PIEZO2: variants seen among roughly 807,000 people sequenced by gnomAD.
The protein encoded by PIEZO2 is piezo-type mechanosensitive ion channel component 2.
A neutral mutation model predicts 337.3 loss-of-function variants in PIEZO2; 172 were observed. The ratio of observed to expected loss-of-function variants is 0.51; its 90% CI spans 0.45 to 0.58. The LOEUF is 0.58. Among genes scored for constraint, PIEZO2 ranks in the 20% least tolerant of loss-of-function variants. The pLI is 0.00. For missense variants in PIEZO2, 3,028 were observed against 3,391.3 expected (o/e 0.89, Z 2.66); for synonymous variants, 1,251 against 1,228.5 (o/e 1.02, Z -0.38).
At position 10,726,661 on chromosome 18, in the gene PIEZO2, G is replaced by A; in HGVS notation, c.5029+4746C>T. ...CGCGCGCGCCAAGCGCGGCCAGACA[G>A]ACACCTCGCTGCCAAGTTAATTCAG... On this transcript the variant is annotated intron_variant, in intron 36 of 55. Coordinates refer to ENST00000674853, the MANE Select transcript of PIEZO2 (RefSeq NM_001378183.1). The surrounding 1 kb of genome is among the most constrained non-coding windows in gnomAD (Gnocchi z 5.9). The A allele has an allele frequency of 1.4e-6, 2 of 1,425,920 alleles. No homozygotes were observed. The highest frequency in any genetic ancestry group is 1.9e-6 in the Non-Finnish European group (2 of 1,043,742). 88.3% of individuals were successfully genotyped at this position (1,425,920 alleles called of 1,614,324 possible). A position where few individuals can be genotyped will look rare whatever the true frequency, so the allele number is the denominator to read the frequency against.
chr18:10,724,662 C>A lies in PIEZO2; in HGVS notation c.5030-6403G>T. 1.2e-6 allele frequency: 1 copy of A among 861,162 alleles called. No individual in the cohort carries two copies. 53.3% of individuals were successfully genotyped at this position (861,162 alleles called of 1,614,324 possible). ...CTCAGGCGTATGATCAGGCACCCAC[C>A]AGCCCACCTACCAGTCTGCTGTCCC... On this transcript the variant is annotated intron_variant, in intron 36 of 55. Coordinates refer to ENST00000674853, the MANE Select transcript of PIEZO2 (RefSeq NM_001378183.1). The surrounding 1 kb of genome is among the most constrained non-coding windows in gnomAD (Gnocchi z 5.8).
chr18:10,843,731 T>C (rs1728030), intron 7 of PIEZO2, among the ~76,000 whole-genome samples: 47,491 of 152,064 alleles, frequency 0.31, 8,159 homozygotes, highest in East Asian at 0.65. Context: ...TGAGATACAG[T>C]TTCCGACCTC....
intron 3 of PIEZO2, among the ~76,000 whole-genome samples, chr18:10,957,421 GCAA>G (rs200818955): frequency 0.013 from 1,791 of 134,884 alleles, 40 homozygotes; most frequent in African/African-American, 0.046. Flanking sequence ...AAAAAACAAA[GCAA>G]CAACAACAAC....
In PIEZO2 at chr18:11,078,050, A is replaced by G. The variant is rs984255685; in HGVS notation, c.65-11828T>C. 4.0e-5 allele frequency among the ~76,000 whole-genome samples: 5 copies of G among 125,904 alleles called. No homozygotes were observed. The highest frequency in any genetic ancestry group is 8.3e-5 in the Non-Finnish European group (5 of 59,882). The allele number at this position is 125,904 out of a possible 152,430, so 82.6% of individuals were successfully genotyped here. A position where few individuals can be genotyped will look rare whatever the true frequency, so the allele number is the denominator to read the frequency against. On this transcript the variant is annotated intron_variant, in intron 1 of 55. Transcript: ENST00000674853. This position sits in a 1 kb window ranked among gnomAD's most constrained non-coding sequence, Gnocchi z 5.3. ...TGCACACACACCCACACACACCCAC[A>G]CACACACACACACACACCACACACA...
At chr18:10,836,989 T>C (rs561692482) in intron 7 of PIEZO2, among the ~76,000 whole-genome samples, 15 of 152,346 alleles carry the variant, frequency 9.8e-5, no homozygotes, top group Admixed American at 3.3e-4. Flanking sequence ...CCACTGAGGA[T>C]ACTCACAACT....
intron 4 of PIEZO2, among the ~76,000 whole-genome samples, chr18:10,884,592 G>A (rs773374176): frequency 1.4e-4 from 22 of 152,152 alleles, no homozygotes; most frequent in Non-Finnish European, 2.6e-4. Context: ...CTAGTGAGCT[G>A]CCTGCTTCGT....
rs945429533 is a variant in PIEZO2 at position 11,142,191 on chromosome 18, T to A, written c.64+6334A>T. ...GCAATGAAAACATTTTATAAGCTGG[T>A]AACTGTTACATATATTTTCTTTTAA... On this transcript the variant is annotated intron_variant, in intron 1 of 55. Coordinates refer to ENST00000674853, the MANE Select transcript of PIEZO2 (RefSeq NM_001378183.1). Among the ~76,000 whole-genome samples the A allele has an allele frequency of 4.6e-5, 7 of 152,340 alleles. No individual in the cohort carries two copies. In the South Asian group the frequency reaches 1.4e-3, roughly 32 times the overall value.
intron 54 of PIEZO2, 67 bp downstream of exon 54, chr18:10,675,142 C>CAAACTGTTGA: frequency 8.5e-7 from 1 of 1,171,316 alleles, no homozygotes; most frequent in Non-Finnish European, 1.2e-6. Flanking sequence ...GTCCAAAGCA[C>CAAACTGTTGA]AAACTGTTGA....
rs1360614040 is a variant in PIEZO2 at position 10,942,771 on chromosome 18, T to C, written c.287-31543A>G. ...CAATGGGAAAAATGTCTCCAGGGCA[T>C]GTCAGAGTTCTTCATGGCAGCCCCT... On this transcript the variant is annotated intron_variant, in intron 3 of 55. Transcript: ENST00000674853. This position sits in a 1 kb window ranked among gnomAD's most constrained non-coding sequence, Gnocchi z 4.4. Among the ~76,000 whole-genome samples, 2 of 152,186 alleles carry C rather than the reference T, an allele frequency of 1.3e-5. No individual in the cohort carries two copies. The highest frequency in any genetic ancestry group is 2.4e-5 in the African/African-American group (1 of 41,446).
At chr18:10,867,139 T>C (rs1229469647) in intron 5 of PIEZO2, among the ~76,000 whole-genome samples, 3 of 152,222 alleles carry the variant, frequency 2.0e-5, no homozygotes, top group Admixed American at 2.0e-4. Context: ...TCTGAATGGT[T>C]CCATGTTTCA....
At chr18:10,922,679 G>A (rs2031500253) in intron 3 of PIEZO2, among the ~76,000 whole-genome samples, 1 of 152,062 alleles carries the variant, frequency 6.6e-6, no homozygotes, top group Non-Finnish European at 1.5e-5. Context: ...TGTGCAGCAG[G>A]GGATGTGCAG....
rs757315376 is a variant in PIEZO2 at position 10,762,557 on chromosome 18, G to A, written c.3192C>T (p.Ile1064=). The change falls in exon 23 of 56, where the codon ATC becomes ATT. Residue 1064 remains isoleucine, a synonymous_variant. Coordinates refer to ENST00000674853, the MANE Select transcript of PIEZO2 (RefSeq NM_001378183.1). ...LNKSLLYSAP[I]DPTEWVGLRK... is the part of the protein sequence containing the mutation. ...GCAGGCCGACCCACTCTGTAGGATC[G>A]ATAGGAGCGCTGTAGAGCAGAGACT... 3 of 1,537,382 alleles carry A rather than the reference G, an allele frequency of 2.0e-6. No homozygotes were observed. The highest frequency in any genetic ancestry group is 2.6e-6 in the Non-Finnish European group (3 of 1,146,924).
chr18:10,810,475 T>C (rs973839663), intron 7 of PIEZO2, among the ~76,000 whole-genome samples: 1 of 152,178 alleles, frequency 6.6e-6, no homozygotes, highest in African/African-American at 2.4e-5. Flanking sequence ...CAGAGTTTCC[T>C]TGGGGAAGCT....
rs1180259235 is a variant in PIEZO2, at chr18:10,759,780, A to C, written c.3580T>G (p.Tyr1194Asp). The C allele has an allele frequency of 2.0e-6, 3 of 1,537,242 alleles. No homozygotes were observed. The highest frequency in any genetic ancestry group is 2.6e-6 in the Non-Finnish European group (3 of 1,146,940). Residue 1194 changes from tyrosine to aspartate, a missense_variant, in exon 25 of 56, where the codon TAC (tyrosine) becomes GAC (aspartate). Around this residue, in one of 5 missense-constraint regions of PIEZO2, gnomAD observed 1,925 missense variants for 2,051.9 expected, o/e 0.94. Transcript: ENST00000674853. This position sits in a 1 kb window ranked among gnomAD's most constrained non-coding sequence, Gnocchi z 5.5. The stretch of plus-strand genomic sequence containing the variant: ...ATGATGCATGCCAGGAAGCAGCAGT[A>C]CTTGGGCCAGATCTCTGCGATGGCT... The part of the protein sequence containing the change: ...RKAIAEIWPK[Y>D]CCFLACIITF...
In PIEZO2 at chr18:10,954,311, C is replaced by A. The variant is rs181198080; in HGVS notation, c.286+25224G>T. Reference sequence around the variant, plus strand: ...AACAGTGAGTCTTCCAATCCATGAACACAATGTATCTCTGCATTTATTTAG... The same window carrying A: ...AACAGTGAGTCTTCCAATCCATGAAAACAATGTATCTCTGCATTTATTTAG... On this transcript the variant is annotated intron_variant, in intron 3 of 55. Transcript: ENST00000674853. The surrounding 1 kb of genome is among the most constrained non-coding windows in gnomAD (Gnocchi z 4.2). Among the ~76,000 whole-genome samples the A allele has an allele frequency of 2.2e-3, 329 of 152,252 alleles. 4 individuals carry two copies. The highest frequency in any genetic ancestry group is 7.4e-3 in the African/African-American group (309 of 41,536).
In PIEZO2 at chr18:10,903,674, A is replaced by G. The variant is rs1429393455; in HGVS notation, c.329+7512T>C. Among the ~76,000 whole-genome samples, 1 of 150,048 alleles carries G rather than the reference A, an allele frequency of 6.7e-6. No homozygotes were observed. The highest frequency in any genetic ancestry group is 1.5e-5 in the Non-Finnish European group (1 of 67,230). On this transcript the variant is annotated intron_variant, in intron 4 of 55. Coordinates refer to ENST00000674853, the MANE Select transcript of PIEZO2 (RefSeq NM_001378183.1). This position sits in a 1 kb window ranked among gnomAD's most constrained non-coding sequence, Gnocchi z 4.1. ...GGCGACAGAGCAAGACTCCATCTCA[A>G]AAAAAAAAAGATTCAAACTTCTTGG... is the stretch of plus-strand genomic sequence containing the variant.
Position 11,110,913 on chromosome 18 carries a change from G to A in PIEZO2, c.64+37612C>T, listed in dbSNP as rs1005354471. 1.3e-5 allele frequency among the ~76,000 whole-genome samples: 2 copies of A among 152,216 alleles called. No individual in the cohort carries two copies. The highest frequency in any genetic ancestry group is 4.8e-5 in the African/African-American group (2 of 41,446). Reference sequence around the variant, plus strand: ...GAGGTCTGCTCCACACACGAGGTGAGGCCAGGATGCTGTGCCCCGCAAGCT... The same window carrying A: ...GAGGTCTGCTCCACACACGAGGTGAAGCCAGGATGCTGTGCCCCGCAAGCT... On this transcript the variant is annotated intron_variant, in intron 1 of 55. Transcript: ENST00000674853. This position sits in a 1 kb window ranked among gnomAD's most constrained non-coding sequence, Gnocchi z 4.2.
chr18:11,137,635 C>T (rs1229133004), intron 1 of PIEZO2, among the ~76,000 whole-genome samples: 1 of 152,132 alleles, frequency 6.6e-6, no homozygotes, highest in African/African-American at 2.4e-5. Context: ...GCAGCAATGC[C>T]AAAGGCAGTG....
At chr18:10,754,912 A>C (rs2037776456) in intron 27 of PIEZO2, among the ~76,000 whole-genome samples, 1 of 152,044 alleles carries the variant, frequency 6.6e-6, no homozygotes, top group South Asian at 2.1e-4. Context: ...CAGTTTCCTC[A>C]TCTCTACAAC....
Sources: gnomAD v4.1 joint callset for allele counts (sites outside exome capture counted in the v4.1 genomes callset) on GRCh38, gnomAD v4.1.1 for gene constraint, gnomAD v4.1.1 regional missense constraint, Gnocchi (gnomAD v3.1) non-coding constraint, MANE v1.5 for transcripts, NCBI Gene and HGNC (gene_info 2026-07-23, HGNC 2026-07-21) for gene names.